The following PTPRD variants were observed in gnomAD, a reference collection of about 807,000 sequenced individuals.
PTPRD encodes the protein receptor-type tyrosine-protein phosphatase delta.
A neutral mutation model predicts 214.5 loss-of-function variants in PTPRD; 34 were observed. That is an observed-to-expected ratio of 0.16 (90% CI 0.12 to 0.21). The LOEUF is 0.21. PTPRD is among the 10% of genes least tolerant of loss of function. The pLI is 1.00. For synonymous variants in PTPRD, 1,128 were observed against 845.7 expected (o/e 1.33, Z -5.79); for missense variants, 2,545 against 2,398.7 (o/e 1.06, Z -1.27).
chr9:9,791,596 A>G (rs1292741088), intron 5 of PTPRD, among the ~76,000 whole-genome samples: 1 of 152,164 alleles, frequency 6.6e-6, no homozygotes, highest in South Asian at 2.1e-4. Flanking sequence ...GAGCCTTGGC[A>G]TTCTCTGTCT....
At chr9:10,028,667 C>A (rs1300572026) in intron 4 of PTPRD, among the ~76,000 whole-genome samples, 1 of 152,064 alleles carries the variant, frequency 6.6e-6, no homozygotes, top group African/African-American at 2.4e-5. Flanking sequence ...ATTTGTGGAA[C>A]TTTGAACTTG....
chr9:8,345,510 C>A (rs1328621932), intron 39 of PTPRD, among the ~76,000 whole-genome samples: 1 of 152,004 alleles, frequency 6.6e-6, no homozygotes, highest in Non-Finnish European at 1.5e-5. Context: ...CCTAGAAAAG[C>A]TTTCTATCCT....
intron 10 of PTPRD, among the ~76,000 whole-genome samples, chr9:9,046,010 T>C (rs2099671264): frequency 6.6e-6 from 1 of 152,178 alleles, no homozygotes; most frequent in African/African-American, 2.4e-5. Context: ...TGTTATGTGC[T>C]AGAGAAAGGA....
At chr9:8,550,738 T>C (rs1489787076) in intron 14 of PTPRD, among the ~76,000 whole-genome samples, 5 of 152,238 alleles carry the variant, frequency 3.3e-5, no homozygotes, top group Non-Finnish European at 5.9e-5. Context: ...GATTTCTTAA[T>C]AGATCCATTG....
rs188394777 is a variant in PTPRD at position 8,330,472 on chromosome 9, C to T, written c.5534+1110G>A. On this transcript the variant is annotated intron_variant, in intron 44 of 45. Transcript: ENST00000381196. ...TTGTGGTAATCTGGAACTAAACTCC[C>T]ATAACGTCTCTGAGGTATGCCTGTA... Among the ~76,000 whole-genome samples the T allele has an allele frequency of 7.1e-4, 108 of 152,258 alleles. 1 individual carries two copies. The highest frequency in any genetic ancestry group is 2.5e-3 in the African/African-American group (103 of 41,554).
intron 3 of PTPRD, among the ~76,000 whole-genome samples, chr9:10,141,937 T>C (rs997210699): frequency 2.6e-5 from 4 of 152,118 alleles, no homozygotes; most frequent in South Asian, 2.1e-4. Context: ...TATAGATCAA[T>C]GGAACAGAAC....
At chr9:9,117,165 C>G (rs77456075) in intron 10 of PTPRD, among the ~76,000 whole-genome samples, 5,687 of 151,334 alleles carry the variant, frequency 0.038, 215 homozygotes, top group African/African-American at 0.088. Context: ...CATGTTTTAA[C>G]TGGAATCTGA....
chr9:8,965,784 C>T (rs528598110), intron 11 of PTPRD, among the ~76,000 whole-genome samples: 24 of 152,054 alleles, frequency 1.6e-4, no homozygotes, highest in African/African-American at 4.3e-4. Flanking sequence ...GAAGTTCTAG[C>T]CAGAGCAATT....
intron 3 of PTPRD, among the ~76,000 whole-genome samples, chr9:10,285,444 T>C (rs1304094692): frequency 3.9e-5 from 6 of 152,108 alleles, no homozygotes; most frequent in Non-Finnish European, 7.4e-5. Context: ...ATAAGTAATA[T>C]TTTAACATGT....
chr9:10,025,189 C>T (rs1371749614), intron 4 of PTPRD, among the ~76,000 whole-genome samples: 1 of 152,062 alleles, frequency 6.6e-6, no homozygotes, highest in African/African-American at 2.4e-5. Flanking sequence ...AGTTCTAGAT[C>T]CCTGAGGAAT....
At position 9,077,342 on chromosome 9, in the gene PTPRD, T is replaced by A. The variant is rs193009529; in HGVS notation, c.-142-58607A>T. 1.3e-4 allele frequency among the ~76,000 whole-genome samples: 19 copies of A among 151,984 alleles called. No homozygotes were observed. In the East Asian group the frequency reaches 3.3e-3, roughly 26 times the overall value. ...CCATGGGTGTATATTTCTCCATAGT[T>A]CATAGAAGCAGAATGGGGATGAATT... On this transcript the variant is annotated intron_variant, in intron 10 of 45. Coordinates refer to ENST00000381196, the MANE Select transcript of PTPRD (RefSeq NM_002839.4).
rs149297208 is a variant in PTPRD at position 10,475,791 on chromosome 9, G to A, written c.-599-134774C>T. ...AAAGCTTATCTACCACGATCAAGTCGGTTTCATCCCCAGGATGCAAGGCTG... is the reference window on the plus strand; with the variant it reads ...AAAGCTTATCTACCACGATCAAGTCAGTTTCATCCCCAGGATGCAAGGCTG... On this transcript the variant is annotated intron_variant, in intron 2 of 45. Transcript: ENST00000381196. Among the ~76,000 whole-genome samples, 688 of 151,998 alleles carry A rather than the reference G, an allele frequency of 4.5e-3. 1 individual carries two copies. Among genetic ancestry groups the A allele is most frequent in the African/African-American group, 0.016 (650 of 41,460 alleles).
chr9:9,457,521 G>A (rs1171129762), intron 8 of PTPRD, among the ~76,000 whole-genome samples: 1 of 151,890 alleles, frequency 6.6e-6, no homozygotes, highest in Non-Finnish European at 1.5e-5. Context: ...ATCCAAGGAG[G>A]CTATGCAAAA....
At chr9:8,983,735 C>T (rs2099325789) in intron 11 of PTPRD, among the ~76,000 whole-genome samples, 1 of 151,740 alleles carries the variant, frequency 6.6e-6, no homozygotes, top group South Asian at 2.1e-4. Flanking sequence ...CAAGGCTGAG[C>T]TCAAACTCCT....
chr9:9,249,721 T>A (rs144591369), intron 9 of PTPRD, among the ~76,000 whole-genome samples: 3 of 152,070 alleles, frequency 2.0e-5, no homozygotes, highest in African/African-American at 7.2e-5. Flanking sequence ...TGGACTCTTG[T>A]CACTGTCTTT....
chr9:9,665,596 G>A (rs762096908), intron 7 of PTPRD, among the ~76,000 whole-genome samples: 2 of 151,722 alleles, frequency 1.3e-5, no homozygotes, highest in East Asian at 1.9e-4. Flanking sequence ...AGAATGGGAC[G>A]AGGATTCAAA....
chr9:10,289,017 T>C lies in PTPRD; in HGVS notation c.-545+51946A>G, dbSNP rs895323747. ...CTCCCTAACTTACTCCAAATTAAGA[T>C]GGAGAGTTTTTTTTTTTTTTATTTC... On this transcript the variant is annotated intron_variant, in intron 3 of 45. Transcript: ENST00000381196. Among the ~76,000 whole-genome samples the C allele has an allele frequency of 1.2e-4, 16 of 130,670 alleles. 1 individual carries two copies. Among genetic ancestry groups the C allele is most frequent in the Admixed American group, 1.2e-3 (16 of 13,322 alleles). The allele number at this position is 130,670 out of a possible 152,430, so 85.7% of individuals were successfully genotyped here. A position where few individuals can be genotyped will look rare whatever the true frequency, so the allele number is the denominator to read the frequency against.
chr9:10,452,415 G>A (rs969579271), intron 2 of PTPRD, among the ~76,000 whole-genome samples: 50 of 151,222 alleles, frequency 3.3e-4, no homozygotes, highest in Middle Eastern at 3.4e-3. Flanking sequence ...TTTCCATAAT[G>A]GCTATACCAA....
intron 2 of PTPRD, among the ~76,000 whole-genome samples, chr9:10,562,820 T>C (rs1360915722): frequency 1.3e-5 from 2 of 152,128 alleles, no homozygotes; most frequent in Non-Finnish European, 2.9e-5. Flanking sequence ...TATAAGCACA[T>C]TGGAGACTTA....
Sources: allele counts gnomAD v4.1 joint callset (sites outside exome capture counted in the v4.1 genomes callset), GRCh38; gene constraint gnomAD v4.1.1; transcripts MANE v1.5; gene names NCBI Gene and HGNC (gene_info 2026-07-23, HGNC 2026-07-21).